The following PRDM12 variants were observed in gnomAD, a reference collection of about 807,000 sequenced individuals.
The protein encoded by PRDM12 is PR/SET domain 12.
Under a neutral mutation model 29.6 loss-of-function variants are expected in PRDM12, and 17 were observed. The observed-to-expected ratio is 0.57, with a 90% CI of 0.39 to 0.86. PRDM12 has a LOEUF of 0.86. Among genes scored for constraint, PRDM12 ranks in the 40% least tolerant of loss-of-function variants. The pLI, the probability that PRDM12 is intolerant of heterozygous loss-of-function variation, is 0.00. For synonymous variants in PRDM12, 231 were observed against 225.8 expected (o/e 1.02, Z -0.21); for missense variants, 422 against 510.8 (o/e 0.83, Z 1.68).
intron 4 of PRDM12, among the ~76,000 whole-genome samples, chr9:130,679,049 T>C (rs901551419): frequency 1.3e-5 from 2 of 152,204 alleles, no homozygotes; most frequent in Admixed American, 1.3e-4. Flanking sequence ...AGATAATCTC[T>C]AAGTTCCCTT....
At position 130,664,812 on chromosome 9, in the gene PRDM12, G is replaced by C. The variant is rs755779307; in HGVS notation, c.159G>C (p.Lys53Asn). 1.1e-5 allele frequency: 18 copies of C among 1,568,666 alleles called. No homozygotes were observed. The East Asian group carries it at 4.0e-4, about 35-fold the overall frequency. ...TCGGGGAGCAGCTCTTCGAGGACAA[G>C]AGCCACCACGCCAGCCCCAAGACAG... ...NVLGEQLFEDKSHHASPKTAF... is the reference protein window; with the variant it reads ...NVLGEQLFEDNSHHASPKTAF... Residue 53 changes from lysine to asparagine, a missense_variant, in exon 1 of 5, where the codon AAG becomes AAC. This residue lies in a region of PRDM12 where 300 missense variants were observed against 350.0 expected (regional missense o/e 0.86). Coordinates refer to ENST00000253008, the MANE Select transcript of PRDM12 (RefSeq NM_021619.3). This position sits in a 1 kb window ranked among gnomAD's most constrained non-coding sequence, Gnocchi z 6.4.
At chr9:130,669,184 G>A (rs1202024381) in intron 3 of PRDM12, among the ~76,000 whole-genome samples, 6 of 151,794 alleles carry the variant, frequency 4.0e-5, no homozygotes, top group South Asian at 2.1e-4. Context: ...AAAATTAGCC[G>A]GGCATGGTGG....
chr9:130,681,097 T>C lies in PRDM12; in HGVS notation c.683-151T>C. The C allele has an allele frequency of 1.3e-6, 1 of 775,282 alleles. No individual in the cohort carries two copies. Among genetic ancestry groups the C allele is most frequent in the Non-Finnish European group, 1.8e-6 (1 of 557,692 alleles). The allele number at this position is 775,282 out of a possible 1,614,324, so 48.0% of individuals were successfully genotyped here. ...CCCTTCGCTGTCCCTCCAGTCCGTCTGCCACCGTCCAAGCAGCACCCACCC... is the reference window on the plus strand; with the variant it reads ...CCCTTCGCTGTCCCTCCAGTCCGTCCGCCACCGTCCAAGCAGCACCCACCC... On this transcript the variant is annotated intron_variant, in intron 4 of 4. Coordinates refer to ENST00000253008, the MANE Select transcript of PRDM12 (RefSeq NM_021619.3). The surrounding 1 kb of genome is among the most constrained non-coding windows in gnomAD (Gnocchi z 8.1).
intron 4 of PRDM12, among the ~76,000 whole-genome samples, chr9:130,680,298 C>G (rs1283760186): frequency 6.6e-6 from 1 of 152,032 alleles, no homozygotes; most frequent in Admixed American, 6.6e-5. Context: ...GATGGCACCA[C>G]TGCACTCCAG....
intron 4 of PRDM12, among the ~76,000 whole-genome samples, chr9:130,679,739 C>G (rs1266525390): frequency 1.3e-5 from 2 of 152,178 alleles, no homozygotes; most frequent in Non-Finnish European, 2.9e-5. Flanking sequence ...TGGTTCACTA[C>G]AGCCTCAACC....
intron 3 of PRDM12, 146 bp from the exon 4 acceptor site, chr9:130,678,383 A>T (rs1447429259): frequency 1.6e-6 from 1 of 609,974 alleles, no homozygotes; most frequent in Non-Finnish European, 2.9e-6. Flanking sequence ...GCTTCCCGGG[A>T]CAGCTCAGTG....
At chr9:130,671,007 T>C (rs1830784158) in intron 3 of PRDM12, among the ~76,000 whole-genome samples, 1 of 152,048 alleles carries the variant, frequency 6.6e-6, no homozygotes, top group African/African-American at 2.4e-5. Context: ...TTTATAGGAT[T>C]AGGAAAAATG....
chr9:130,673,188 G>A (rs1050446225), intron 3 of PRDM12, among the ~76,000 whole-genome samples: 2 of 146,088 alleles, frequency 1.4e-5, no homozygotes, highest in Non-Finnish European at 3.1e-5. Flanking sequence ...AGTCTCAGCA[G>A]TAAAGAGTGC....
At position 130,680,659 on chromosome 9, in the gene PRDM12, A is replaced by ATATATATATATATATTTTTT; in HGVS notation, c.683-588_683-587insATATATATATATATTTTTTT. 9.7e-5 allele frequency among the ~76,000 whole-genome samples: 7 copies of ATATATATATATATATTTTTT among 72,164 alleles called. No homozygotes were observed. The Admixed American group carries it at 1.1e-3, about 12-fold the overall frequency. 47.3% of individuals were successfully genotyped at this position (72,164 alleles called of 152,430 possible). Reference sequence around the variant, plus strand: ...AATATATATATATATATATATATATATTTTTTTTTTTTTTAACTGATCCTT... The same window carrying ATATATATATATATATTTTTT: ...AATATATATATATATATATATATATATATATATATATATATTTTTTTTTTTTTTTTTTTTAACTGATCCTT... On this transcript the variant is annotated intron_variant, in intron 4 of 4. Coordinates refer to ENST00000253008, the MANE Select transcript of PRDM12 (RefSeq NM_021619.3).
chr9:130,668,361 C>T lies in PRDM12; in HGVS notation c.570+48C>T, dbSNP rs200027721. The T allele has an allele frequency of 1.6e-5, 25 of 1,604,196 alleles. No individual in the cohort carries two copies. Among genetic ancestry groups the T allele is most frequent in the East Asian group, 1.1e-4 (5 of 44,656 alleles). ...TTGTGTAGGGACCAGCCGGTAAACC[C>T]GGCGGGGGGAGGTGTGCAGGGCAGC... On this transcript the variant is annotated intron_variant, in intron 3 of 4. Transcript: ENST00000253008. This position sits in a 1 kb window ranked among gnomAD's most constrained non-coding sequence, Gnocchi z 4.0.
At position 130,669,356 on chromosome 9, in the gene PRDM12, AAAATAC is replaced by A. The variant is rs1437820503; in HGVS notation, c.570+1053_570+1058del. On this transcript the variant is annotated intron_variant, in intron 3 of 4. Coordinates refer to ENST00000253008, the MANE Select transcript of PRDM12 (RefSeq NM_021619.3). The stretch of plus-strand genomic sequence containing the variant: ...ATAAATAAATAAATAAATAAAAATA[AAAATAC>A]AAATACAAAAATTAGTGGGGCGTGG... Among the ~76,000 whole-genome samples, 11 of 151,468 alleles carry A rather than the reference AAAATAC, an allele frequency of 7.3e-5. No homozygotes were observed. The East Asian group carries it at 9.7e-4, about 13-fold the overall frequency.
Position 130,664,623 on chromosome 9 carries a change from T to G in PRDM12, c.-31T>G, listed in dbSNP as rs1457604659. 1,989 of 1,082,592 alleles carry G rather than the reference T, an allele frequency of 1.8e-3. No homozygotes were observed. The highest frequency in any genetic ancestry group is 5.7e-3 in the East Asian group (135 of 23,676). 67.1% of individuals were successfully genotyped at this position (1,082,592 alleles called of 1,614,324 possible). Reference sequence around the variant, plus strand: ...CCCACCTCCCCCGTCGGCCCGGCCGTCCCCCGGCGCCGGGGAGCTCCGGGC... The same window carrying G: ...CCCACCTCCCCCGTCGGCCCGGCCGGCCCCCGGCGCCGGGGAGCTCCGGGC... On this transcript the variant is annotated 5_prime_UTR_variant, in exon 1 of 5. Transcript: ENST00000253008. The surrounding 1 kb of genome is among the most constrained non-coding windows in gnomAD (Gnocchi z 6.4).
chr9:130,677,684 C>T (rs1235095388), intron 3 of PRDM12, among the ~76,000 whole-genome samples: 2 of 152,216 alleles, frequency 1.3e-5, no homozygotes, highest in Non-Finnish European at 2.9e-5. Flanking sequence ...CCATAAGAGG[C>T]CTGGCAGGCA....
intron 3 of PRDM12, among the ~76,000 whole-genome samples, chr9:130,678,275 T>C (rs1000316444): frequency 1.3e-5 from 2 of 151,850 alleles, no homozygotes; most frequent in African/African-American, 4.8e-5. Flanking sequence ...GCTGTCAGCT[T>C]GGAAGCACTC....
rs1172767886 is a variant in PRDM12 at position 130,681,267 on chromosome 9, C to T, written c.702C>T (p.Asp234=). The part of the protein sequence containing the change: ...KNKHEDFHPA[D]SAAGPAGRMR... ...GGCCAGAGGACTTCCACCCGGCGGACTCGGCGGCTGGCCCCGCGGGCCGCA... is the reference window on the plus strand; with the variant it reads ...GGCCAGAGGACTTCCACCCGGCGGATTCGGCGGCTGGCCCCGCGGGCCGCA... Residue 234 remains aspartate, a synonymous_variant, in exon 5 of 5, where the codon GAC becomes GAT. Coordinates refer to ENST00000253008, the MANE Select transcript of PRDM12 (RefSeq NM_021619.3). The surrounding 1 kb of genome is among the most constrained non-coding windows in gnomAD (Gnocchi z 8.1). The T allele has an allele frequency of 6.1e-6, 9 of 1,472,894 alleles. No homozygotes were observed. Among genetic ancestry groups the T allele is most frequent in the Non-Finnish European group, 8.1e-6 (9 of 1,105,488 alleles). 91.2% of individuals were successfully genotyped at this position (1,472,894 alleles called of 1,614,324 possible).
intron 3 of PRDM12, among the ~76,000 whole-genome samples, chr9:130,674,734 G>T (rs1830825452): frequency 6.6e-6 from 1 of 151,974 alleles, no homozygotes; most frequent in Non-Finnish European, 1.5e-5. Flanking sequence ...TTCATACCAT[G>T]TTATATGTTT....
chr9:130,679,763 C>T (rs1830877116), intron 4 of PRDM12, among the ~76,000 whole-genome samples: 1 of 152,124 alleles, frequency 6.6e-6, no homozygotes, highest in South Asian at 2.1e-4. Context: ...TGGGCTCAAG[C>T]TATCCTCCCA....
At chr9:130,665,688 C>G (rs1830726514) in intron 1 of PRDM12, among the ~76,000 whole-genome samples, 1 of 152,204 alleles carries the variant, frequency 6.6e-6, no homozygotes, top group African/African-American at 2.4e-5. Context: ...CAATTTCTTT[C>G]GAATGGAGCC....
At chr9:130,671,980 G>A (rs375949887) in intron 3 of PRDM12, among the ~76,000 whole-genome samples, 25 of 152,308 alleles carry the variant, frequency 1.6e-4, no homozygotes, top group African/African-American at 4.8e-4. Context: ...CAACAGAGAC[G>A]AAGGCAACGG....
Sources: allele counts gnomAD v4.1 joint callset (sites outside exome capture counted in the v4.1 genomes callset), GRCh38; gene constraint gnomAD v4.1.1; regional missense constraint gnomAD v4.1.1; non-coding constraint Gnocchi (gnomAD v3.1); transcripts MANE v1.5; gene names NCBI Gene and HGNC (gene_info 2026-07-23, HGNC 2026-07-21).